Variants in PPARGC1A observed in about 807,000 individuals in gnomAD.
PPARGC1A encodes the protein peroxisome proliferator-activated receptor gamma coactivator 1-alpha.
A neutral mutation model predicts 88.7 loss-of-function variants in PPARGC1A; 25 were observed. The observed-to-expected ratio is 0.28, with a 90% CI of 0.21 to 0.39. The LOEUF (loss-of-function observed/expected upper bound fraction) is 0.39. PPARGC1A is among the 10% of genes least tolerant of loss of function. PPARGC1A has a pLI of 1.00. For synonymous variants in PPARGC1A, 363 were observed against 355.6 expected, an observed-to-expected ratio of 1.02 and a Z score of -0.24; for missense variants, 880 against 968.7, an observed-to-expected ratio of 0.91 and a Z score of 1.22.
chr4:24,020,661 C>CTGGGGAG, the PPARGC1A span, among the ~76,000 whole-genome samples: 848 of 152,084 alleles, frequency 5.6e-3, 6 homozygotes, highest in African/African-American at 0.019. Flanking sequence ...CTCCTCTGTC[C>CTGGGGAG]TGGGGAGTGG....
intron 1 of PPARGC1A, among the ~76,000 whole-genome samples, chr4:23,886,675 G>A (rs533877658): frequency 2.6e-5 from 4 of 151,984 alleles, no homozygotes; most frequent in Admixed American, 6.6e-5. Flanking sequence ...TCTCGTTCTG[G>A]TACAATGCTC....
the PPARGC1A span, among the ~76,000 whole-genome samples, chr4:24,009,695 A>C: frequency 1.3e-5 from 2 of 152,186 alleles, no homozygotes; most frequent in African/African-American, 4.8e-5. Flanking sequence ...AACTGATGAG[A>C]TCTCAGTTTC....
At chr4:23,844,776 T>TC (rs1727916824) in intron 2 of PPARGC1A, among the ~76,000 whole-genome samples, 1 of 121,644 alleles carries the variant, frequency 8.2e-6, no homozygotes, top group Non-Finnish European at 1.6e-5. Context: ...TAATATATGA[T>TC]ATATATTATA....
At chr4:24,285,960 G>A in the PPARGC1A span, among the ~76,000 whole-genome samples, 1 of 152,200 alleles carries the variant, frequency 6.6e-6, no homozygotes, top group African/African-American at 2.4e-5. Flanking sequence ...TTAAGCCACA[G>A]TTCATCCCTC....
chr4:24,164,103 T>C, the PPARGC1A span, among the ~76,000 whole-genome samples: 11 of 152,230 alleles, frequency 7.2e-5, no homozygotes, highest in Admixed American at 3.9e-4. Context: ...TAGGCAACTA[T>C]CTTCCTTGCA....
rs762229172 is a variant in PPARGC1A at position 23,814,179 on chromosome 4, C to T, written c.1304G>A (p.Arg435Lys). ...SSTDSDQCYLRETLEASKQVS... is the reference protein window; with the variant it reads ...SSTDSDQCYLKETLEASKQVS... ...CTGCTTGCTTGCCTCCAAAGTCTCT[C>T]TCAGGTAGCACTGGTCTGAATCTGT... The change falls in exon 8 of 13, where the codon AGA becomes AAA. Residue 435 changes from arginine to lysine, a missense_variant. Coordinates refer to ENST00000264867, the MANE Select transcript of PPARGC1A (RefSeq NM_013261.5). The T allele has an allele frequency of 2.9e-5, 46 of 1,613,976 alleles. No individual in the cohort carries two copies. Among genetic ancestry groups the T allele is most frequent in the Non-Finnish European group, 3.6e-5 (43 of 1,180,004 alleles).
At chr4:23,986,450 A>G in the PPARGC1A span, among the ~76,000 whole-genome samples, 1 of 152,122 alleles carries the variant, frequency 6.6e-6, no homozygotes, top group Non-Finnish European at 1.5e-5. Flanking sequence ...ACTTGCAAGG[A>G]TAACGGTGTA....
chr4:24,132,328 A>G, the PPARGC1A span, among the ~76,000 whole-genome samples: 1 of 151,920 alleles, frequency 6.6e-6, no homozygotes, highest in Non-Finnish European at 1.5e-5. Context: ...AAAATCAATT[A>G]TCAACCCTCT....
the PPARGC1A span, among the ~76,000 whole-genome samples, chr4:24,272,020 T>C: frequency 6.6e-6 from 1 of 152,164 alleles, no homozygotes; most frequent in Non-Finnish European, 1.5e-5. Flanking sequence ...GGAGGTGTGC[T>C]GACTGTTAGC....
At chr4:23,883,338 T>C (rs1419175425) in intron 2 of PPARGC1A, 1 of 152,216 alleles carries the variant, frequency 6.6e-6, no homozygotes, top group Non-Finnish European at 1.5e-5. Flanking sequence ...GCTCACCAGC[T>C]AACTCTACCT....
chr4:23,987,539 T>A, the PPARGC1A span, among the ~76,000 whole-genome samples: 1 of 151,992 alleles, frequency 6.6e-6, no homozygotes, highest in African/African-American at 2.4e-5. Context: ...CTCTATTGCC[T>A]TAGGGGTCTG....
At chr4:24,310,699 G>A in the PPARGC1A span, among the ~76,000 whole-genome samples, 10 of 151,960 alleles carry the variant, frequency 6.6e-5, no homozygotes, top group Non-Finnish European at 1.3e-4. Flanking sequence ...TGAGTTAATT[G>A]CCTACTAAAA....
rs143558061 is a variant in PPARGC1A, at chr4:23,803,654, G to A, written c.2020-1309C>T. On this transcript the variant is annotated intron_variant, in intron 10 of 12. Transcript: ENST00000264867. ...GTCTCTCAAAGTTTTAAGAACATAA[G>A]GAGTTAATATAAAGAATGTGCTCAC... 1.2e-4 allele frequency among the ~76,000 whole-genome samples: 19 copies of A among 152,262 alleles called. No individual in the cohort carries two copies. In the East Asian group the frequency reaches 3.5e-3, roughly 28 times the overall value.
At chr4:24,209,079 C>T in the PPARGC1A span, among the ~76,000 whole-genome samples, 5 of 152,074 alleles carry the variant, frequency 3.3e-5, no homozygotes, top group Non-Finnish European at 5.9e-5. Context: ...TCGAAGTCAT[C>T]GGCAGTGAAG....
At chr4:24,290,285 A>G in the PPARGC1A span, among the ~76,000 whole-genome samples, 1 of 152,010 alleles carries the variant, frequency 6.6e-6, no homozygotes, top group Non-Finnish European at 1.5e-5. Flanking sequence ...TAAGTTCTGT[A>G]GTGGTGATCT....
chr4:24,171,401 T>A, the PPARGC1A span, among the ~76,000 whole-genome samples: 1 of 151,232 alleles, frequency 6.6e-6, no homozygotes, highest in South Asian at 2.1e-4. Flanking sequence ...CGAGACTCCA[T>A]CTCAAAAAAA....
chr4:24,214,408 G>A, the PPARGC1A span, among the ~76,000 whole-genome samples: 1 of 152,182 alleles, frequency 6.6e-6, no homozygotes, highest in African/African-American at 2.4e-5. Context: ...CTCGAAAACT[G>A]TGCCCTGTGT....
the PPARGC1A span, among the ~76,000 whole-genome samples, chr4:24,038,144 A>G: frequency 2.0e-4 from 30 of 152,208 alleles, no homozygotes; most frequent in African/African-American, 7.0e-4. Flanking sequence ...CTGCCCAAAT[A>G]TAAGTGGATG....
At chr4:24,042,719 T>C in the PPARGC1A span, among the ~76,000 whole-genome samples, 1 of 152,206 alleles carries the variant, frequency 6.6e-6, no homozygotes, top group African/African-American at 2.4e-5. Context: ...CTTTTTAAAA[T>C]ATATACACTT....
Sources: allele counts gnomAD v4.1 joint callset (sites outside exome capture counted in the v4.1 genomes callset), GRCh38; gene constraint gnomAD v4.1.1; transcripts MANE v1.5; gene names NCBI Gene and HGNC (gene_info 2026-07-23, HGNC 2026-07-21).